Variants in TSC1 observed in about 807,000 individuals in gnomAD.
TSC1 encodes hamartin.
Under a neutral mutation model 124.3 loss-of-function variants are expected in TSC1, and 20 were observed. That is an observed-to-expected ratio of 0.16 (90% CI 0.11 to 0.23). The LOEUF (loss-of-function observed/expected upper bound fraction) is 0.23, where lower values mean the gene tolerates loss of function less well. Among genes scored for constraint, TSC1 ranks in the 10% least tolerant of loss-of-function variants. The pLI, the probability that TSC1 is intolerant of heterozygous loss-of-function variation, is 1.00. For synonymous variants in TSC1, 493 were observed against 539.1 expected (o/e 0.91, Z 1.19); for missense variants, 1,124 against 1,448.5 (o/e 0.78, Z 3.64).
At position 132,900,784 on chromosome 9, in the gene TSC1, C is replaced by A. The variant is rs770381040; in HGVS notation, c.2556G>T (p.Leu852=). Residue 852 remains leucine (L), a synonymous_variant, in exon 20 of 23, where the codon CTG becomes CTT. Transcript: ENST00000298552. ...GCTCGTTGACCTCCCCAAGAACCAA[C>A]AGCTGCCTGTTCAAGAACTCCATCT... is the stretch of plus-strand genomic sequence containing the variant. ...QQQMEFLNRQ[L]LVLGEVNELY... is the part of the protein sequence containing the mutation. 1 of 1,614,210 alleles carries A rather than the reference C, an allele frequency of 6.2e-7. No individual in the cohort carries two copies. Among genetic ancestry groups the A allele is most frequent in the Non-Finnish European group, 8.5e-7 (1 of 1,180,022 alleles).
intron 12 of TSC1, among the ~76,000 whole-genome samples, chr9:132,908,312 TTAATA>T (rs1845772101): frequency 6.6e-6 from 1 of 152,220 alleles, no homozygotes; most frequent in South Asian, 2.1e-4. Flanking sequence ...TGCCATCTCT[TTAATA>T]TATGGCTTCA....
intron 12 of TSC1, chr9:132,910,149 A>T (rs933552633): frequency 7.2e-6 from 2 of 278,730 alleles, no homozygotes; most frequent in Non-Finnish European, 1.4e-5. Flanking sequence ...AAAAAAAAAA[A>T]ACTTAGCCAG....
chr9:132,894,454 CT>C lies in TSC1; in HGVS notation c.*1780del. The C allele has an allele frequency of 4.4e-6, 1 of 228,778 alleles. No individual in the cohort carries two copies. The highest frequency in any genetic ancestry group is 8.7e-6 in the Non-Finnish European group (1 of 114,992). 14.2% of individuals were successfully genotyped at this position (228,778 alleles called of 1,614,324 possible). A position where few individuals can be genotyped will look rare whatever the true frequency, so the allele number is the denominator to read the frequency against. ...AGACTGTATTGGGTTTTAAGCTTTC[CT>C]TTGGACAAAGCTGAATTAAATGTGT... On this transcript the variant is annotated 3_prime_UTR_variant, in exon 23 of 23. Transcript: ENST00000298552.
rs372583166 is a variant in TSC1 at position 132,905,662 on chromosome 9, C to A, written c.1916G>T (p.Gly639Val). 63 of 1,614,118 alleles carry A rather than the reference C, an allele frequency of 3.9e-5. 1 individual carries two copies. Among genetic ancestry groups the A allele is most frequent in the Middle Eastern group, 1.6e-4 (1 of 6,082 alleles). ...TTCCATTGGGGAGGTAGAGGGCACACCATCTTCCTCTGTGTTTCCTTTTGC... is the reference window on the plus strand; with the variant it reads ...TTCCATTGGGGAGGTAGAGGGCACAACATCTTCCTCTGTGTTTCCTTTTGC... ...KKAKGNTEED[G>V]VPSTSPMEVL... Residue 639 changes from glycine (G) to valine (V), a missense_variant, in exon 15 of 23, where the codon GGT becomes GTT. Physicochemically the swap from Gly to Val is moderately radical, Grantham distance 109. Coordinates refer to ENST00000298552, the MANE Select transcript of TSC1 (RefSeq NM_000368.5).
chr9:132,934,301 G>A (rs1290577974), intron 2 of TSC1, among the ~76,000 whole-genome samples: 1 of 152,212 alleles, frequency 6.6e-6, no homozygotes. Context: ...AAGTCACTAA[G>A]AGGAAATTCC....
chr9:132,907,335 G>A lies in TSC1; in HGVS notation c.1299C>T (p.His433=), dbSNP rs1275474831. ...ERMDSARPCL[H]RQHHLLNDRG... The stretch of plus-strand genomic sequence containing the variant: ...TGTCATTCAGAAGATGGTGTTGTCT[G>A]TGTAGACATGGTCTTGCAGAATCCA... The change falls in exon 13 of 23, where the codon CAC becomes CAT. Residue 433 remains histidine, a synonymous_variant. Coordinates refer to ENST00000298552, the MANE Select transcript of TSC1 (RefSeq NM_000368.5). 6.2e-7 allele frequency: 1 copy of A among 1,614,018 alleles called. No homozygotes were observed. Among genetic ancestry groups the A allele is most frequent in the African/African-American group, 1.3e-5 (1 of 74,938 alleles).
chr9:132,932,286 G>T (rs1194785275), intron 2 of TSC1, among the ~76,000 whole-genome samples: 2 of 152,162 alleles, frequency 1.3e-5, no homozygotes, highest in African/African-American at 4.8e-5. Context: ...CTCAGTAAAA[G>T]GCACTACCAT....
chr9:132,911,680 A>G (rs1228977860), intron 9 of TSC1, 112 bp from the exon 10 acceptor site: 4 of 676,220 alleles, frequency 5.9e-6, no homozygotes, highest in African/African-American at 5.5e-5. Flanking sequence ...ACCATTTGAT[A>G]ATATTCAATT....
At chr9:132,913,511 C>T (rs1479117314) in intron 8 of TSC1, among the ~76,000 whole-genome samples, 1 of 152,052 alleles carries the variant, frequency 6.6e-6, no homozygotes, top group Non-Finnish European at 1.5e-5. Flanking sequence ...CTTTCCATTA[C>T]AAGCTGTGCT....
At chr9:132,935,233 CAT>C in intron 1 of TSC1, 138 bp from the exon 2 acceptor site, 1 of 395,428 alleles carries the variant, frequency 2.5e-6, no homozygotes. Flanking sequence ...AATGAACACT[CAT>C]AATCATTGGA....
intron 8 of TSC1, among the ~76,000 whole-genome samples, chr9:132,914,854 G>T (rs1846183309): frequency 6.6e-6 from 1 of 151,386 alleles, no homozygotes; most frequent in African/African-American, 2.4e-5. Context: ...GAGCTACAGG[G>T]CTAGACTCTG....
intron 8 of TSC1, among the ~76,000 whole-genome samples, chr9:132,913,907 T>G (rs1450950586): frequency 2.9e-5 from 4 of 139,490 alleles, no homozygotes; most frequent in African/African-American, 8.0e-5. Context: ...TTTTTTTTTT[T>G]TTTTTTTTTT....
Position 132,921,752 on chromosome 9 carries a change from A to G in TSC1, c.663+67T>C. On this transcript the variant is annotated intron_variant, in intron 7 of 22. Transcript: ENST00000298552. This position sits in a 1 kb window ranked among gnomAD's most constrained non-coding sequence, Gnocchi z 4.3. Reference sequence around the variant, plus strand: ...ATTTCCCTGTCTGCCGTTAAATACAAAAGGTATAAATGCAGCCTATCTAAA... The same window carrying G: ...ATTTCCCTGTCTGCCGTTAAATACAGAAGGTATAAATGCAGCCTATCTAAA... 1 of 1,595,150 alleles carries G rather than the reference A, an allele frequency of 6.3e-7. No homozygotes were observed. The highest frequency in any genetic ancestry group is 1.1e-5 in the South Asian group (1 of 90,386).
intron 9 of TSC1, 91 bp downstream of exon 9, chr9:132,912,191 G>T: frequency 6.6e-7 from 1 of 1,517,924 alleles, no homozygotes; most frequent in Non-Finnish European, 9.1e-7. Flanking sequence ...ACTGAACTAA[G>T]TCTTACTCCA....
At chr9:132,932,553 C>A (rs1204874522) in intron 2 of TSC1, among the ~76,000 whole-genome samples, 1 of 152,150 alleles carries the variant, frequency 6.6e-6, no homozygotes, top group East Asian at 1.9e-4. Flanking sequence ...TAAAATCATC[C>A]AATGGCTTCC....
At position 132,896,721 on chromosome 9, in the gene TSC1, G is replaced by A. The variant is rs2131615637; in HGVS notation, c.3009C>T (p.Ser1003=). Reference sequence around the variant, plus strand: ...ATGCCTCTTCATTGTGCCCTACCATGGAATCTGAGCACCCGTCATTACAAC... The same window carrying A: ...ATGCCTCTTCATTGTGCCCTACCATAGAATCTGAGCACCCGTCATTACAAC... ...LDCCNDGCSD[S]MVGHNEEASG... Residue 1003 remains serine, a synonymous_variant, in exon 23 of 23, where the codon TCC becomes TCT. Transcript: ENST00000298552. This position sits in a 1 kb window ranked among gnomAD's most constrained non-coding sequence, Gnocchi z 4.5. 15 of 1,613,812 alleles carry A rather than the reference G, an allele frequency of 9.3e-6. No individual in the cohort carries two copies. The highest frequency in any genetic ancestry group is 1.3e-5 in the Non-Finnish European group (15 of 1,180,034).
intron 5 of TSC1, among the ~76,000 whole-genome samples, chr9:132,924,604 TCAATCCATTTAGATTATATTCTCAC>T (rs1846749506): frequency 2.0e-5 from 3 of 152,200 alleles, no homozygotes; most frequent in South Asian, 2.1e-4. Flanking sequence ...TATATTCTCA[TCAATCCATTTAGATTATATTCTCAC>T]CAATCCATTT....
chr9:132,944,060 C>A (rs888707694), intron 1 of TSC1: 1 of 152,652 alleles, frequency 6.6e-6, no homozygotes, highest in South Asian at 2.1e-4. Flanking sequence ...AGTCCTTGAT[C>A]CCCACAGGCG....
At chr9:132,929,756 T>C (rs935701505) in intron 2 of TSC1, among the ~76,000 whole-genome samples, 1 of 151,898 alleles carries the variant, frequency 6.6e-6, no homozygotes, top group Non-Finnish European at 1.5e-5. Flanking sequence ...ACAAACATCA[T>C]TGTATATACT....
Sources: gnomAD v4.1 joint callset for allele counts (sites outside exome capture counted in the v4.1 genomes callset) on GRCh38, gnomAD v4.1.1 for gene constraint, Gnocchi (gnomAD v3.1) non-coding constraint, MANE v1.5 for transcripts, NCBI Gene and HGNC (gene_info 2026-07-23, HGNC 2026-07-21) for gene names.